The following ATG10 variants were observed in gnomAD, a reference collection of about 807,000 sequenced individuals.
ATG10 encodes autophagy related 10, also known as ubiquitin-like-conjugating enzyme ATG10.
Under a neutral mutation model 32.1 loss-of-function variants are expected in ATG10, and 30 were observed. The ratio of observed to expected loss-of-function variants is 0.94; its 90% CI spans 0.70 to 1.27. The LOEUF (loss-of-function observed/expected upper bound fraction) is 1.27, where lower values mean the gene tolerates loss of function less well. Ranked by LOEUF, ATG10 falls within the 50% of genes most tolerant of loss-of-function variation. ATG10 has a pLI of 0.00. For missense variants in ATG10, 233 were observed against 262.3 expected (o/e 0.89, Z 0.77); for synonymous variants, 87 against 91.5 (o/e 0.95, Z 0.28).
intron 5 of ATG10, among the ~76,000 whole-genome samples, chr5:82,193,284 C>T (rs1429589436): frequency 6.6e-6 from 1 of 152,184 alleles, no homozygotes; most frequent in African/African-American, 2.4e-5. Flanking sequence ...ATTTTTTAAA[C>T]CACTTGTTGG....
intron 5 of ATG10, among the ~76,000 whole-genome samples, chr5:82,251,653 T>C (rs748601879): frequency 3.3e-5 from 5 of 152,200 alleles, no homozygotes; most frequent in East Asian, 1.9e-4. Context: ...TTTGTCTTCA[T>C]AGGTATTTGA....
intron 3 of ATG10, among the ~76,000 whole-genome samples, chr5:82,161,451 T>C (rs1307742040): frequency 6.6e-6 from 1 of 152,080 alleles, no homozygotes; most frequent in Non-Finnish European, 1.5e-5. Flanking sequence ...TATGCCTAAT[T>C]GATCACCAGT....
rs560112799 is a variant in ATG10 at position 82,026,799 on chromosome 5, G to A, written c.109-31696G>A. ...ACTGGTGCTGGGTGCGGTAGCTCAC[G>A]CCTGTAGTCCCAGCACTTTGGGAGG... On this transcript the variant is annotated intron_variant, in intron 2 of 7. Transcript: ENST00000282185. Among the ~76,000 whole-genome samples, 6 of 152,188 alleles carry A rather than the reference G, an allele frequency of 3.9e-5. No individual in the cohort carries two copies. The East Asian group carries it at 5.8e-4, about 15-fold the overall frequency.
intron 5 of ATG10, among the ~76,000 whole-genome samples, chr5:82,228,759 G>A (rs1207057694): frequency 6.6e-6 from 1 of 152,146 alleles, no homozygotes; most frequent in Non-Finnish European, 1.5e-5. Context: ...TGTACCTGGG[G>A]TATATAGATA....
chr5:82,081,345 T>G, intron 3 of ATG10, among the ~76,000 whole-genome samples: 1 of 152,222 alleles, frequency 6.6e-6, no homozygotes, highest in Admixed American at 6.5e-5. Flanking sequence ...TTGAATACCC[T>G]TTATTTCTTT....
chr5:82,041,566 G>C (rs978396461), intron 2 of ATG10, among the ~76,000 whole-genome samples: 1 of 152,020 alleles, frequency 6.6e-6, no homozygotes, highest in Non-Finnish European at 1.5e-5. Context: ...ATAGAAAAAG[G>C]CTCCTAAAAA....
At chr5:82,131,050 C>T (rs1047208754) in intron 3 of ATG10, among the ~76,000 whole-genome samples, 1 of 151,960 alleles carries the variant, frequency 6.6e-6, no homozygotes, top group Non-Finnish European at 1.5e-5. Flanking sequence ...AACATGGGCA[C>T]AATAGACACT....
intron 2 of ATG10, among the ~76,000 whole-genome samples, chr5:81,995,423 G>T (rs778281062): frequency 6.6e-6 from 1 of 152,104 alleles, no homozygotes; most frequent in Non-Finnish European, 1.5e-5. Flanking sequence ...GATTACAGGC[G>T]TGAGCCACCA....
intron 3 of ATG10, among the ~76,000 whole-genome samples, chr5:82,084,696 G>C (rs1454464891): frequency 6.6e-6 from 1 of 152,148 alleles, no homozygotes; most frequent in Non-Finnish European, 1.5e-5. Context: ...TTAAAGAAAA[G>C]AATTTTCAAC....
chr5:82,122,195 T>G (rs1476216157), intron 3 of ATG10, among the ~76,000 whole-genome samples: 2 of 152,050 alleles, frequency 1.3e-5, no homozygotes, highest in Non-Finnish European at 2.9e-5. Flanking sequence ...AGGGAATGAA[T>G]TTCTTCCTGC....
intron 7 of ATG10, 50 bp downstream of exon 7, chr5:82,253,479 C>A: frequency 8.0e-7 from 1 of 1,247,436 alleles, no homozygotes; most frequent in Non-Finnish European, 1.2e-6. Context: ...AGATCAATGT[C>A]TCCATTGCAT....
chr5:82,229,610 G>T (rs1746266631), intron 5 of ATG10, among the ~76,000 whole-genome samples: 1 of 152,160 alleles, frequency 6.6e-6, no homozygotes, highest in Non-Finnish European at 1.5e-5. Context: ...TTAGAGAAGT[G>T]GTGTGTTAAT....
chr5:82,247,783 TTGTC>T (rs1747092422), intron 5 of ATG10, among the ~76,000 whole-genome samples: 1 of 152,132 alleles, frequency 6.6e-6, no homozygotes, highest in Admixed American at 6.6e-5. Flanking sequence ...TTCCTGAGGG[TTGTC>T]TTTTTCTTGT....
At chr5:82,021,799 C>CGG in intron 2 of ATG10, among the ~76,000 whole-genome samples, 1 of 151,028 alleles carries the variant, frequency 6.6e-6, no homozygotes, top group Non-Finnish European at 1.5e-5. Context: ...CCGAGGCGGG[C>CGG]GGATCACAAG....
At chr5:82,055,961 G>A (rs916443683) in intron 2 of ATG10, among the ~76,000 whole-genome samples, 6 of 152,254 alleles carry the variant, frequency 3.9e-5, no homozygotes, top group Non-Finnish European at 7.4e-5. Flanking sequence ...AAGCAACTAT[G>A]TCTATAGCCT....
intron 3 of ATG10, among the ~76,000 whole-genome samples, chr5:82,089,529 G>A (rs1764809651): frequency 6.6e-6 from 1 of 152,156 alleles, no homozygotes; most frequent in East Asian, 1.9e-4. Flanking sequence ...GACATCCCTA[G>A]GCAAACAAAC....
chr5:82,103,225 T>C (rs191976065), intron 3 of ATG10, among the ~76,000 whole-genome samples: 66 of 152,348 alleles, frequency 4.3e-4, no homozygotes, highest in Admixed American at 1.3e-3. Flanking sequence ...AAATATGTTT[T>C]GATCTTTTTC....
At chr5:82,144,761 TGAAAA>T (rs1767280253) in intron 3 of ATG10, among the ~76,000 whole-genome samples, 2 of 152,062 alleles carry the variant, frequency 1.3e-5, no homozygotes, top group African/African-American at 4.8e-5. Context: ...TGTGTGTACT[TGAAAA>T]GAATTAATAT....
chr5:82,160,145 A>T (rs979930305), intron 3 of ATG10, among the ~76,000 whole-genome samples: 4 of 152,120 alleles, frequency 2.6e-5, no homozygotes, highest in African/African-American at 4.8e-5. Context: ...TAGTTCCATC[A>T]CCACAAAGAT....
Sources: allele counts gnomAD v4.1 joint callset (sites outside exome capture counted in the v4.1 genomes callset), GRCh38; gene constraint gnomAD v4.1.1; transcripts MANE v1.5; gene names NCBI Gene and HGNC (gene_info 2026-07-23, HGNC 2026-07-21).